LIN7A: variants seen among roughly 807,000 people sequenced by gnomAD.
LIN7A encodes the protein protein lin-7 homolog A.
LIN7A carries 25 observed loss-of-function variants against 29.8 expected under a neutral mutation model. The ratio of observed to expected loss-of-function variants is 0.84; its 90% CI spans 0.61 to 1.17. LIN7A has a LOEUF of 1.17. LIN7A is among the 50% of genes most tolerant of loss of function. LIN7A has a pLI of 0.00. For synonymous variants in LIN7A, 118 were observed against 107.5 expected, an observed-to-expected ratio of 1.10 and a Z score of -0.60; for missense variants, 239 against 287.0, an observed-to-expected ratio of 0.83 and a Z score of 1.21.
At chr12:80,886,677 TA>T (rs1349000815) in intron 2 of LIN7A, among the ~76,000 whole-genome samples, 1 of 152,100 alleles carries the variant, frequency 6.6e-6, no homozygotes, top group Non-Finnish European at 1.5e-5. Context: ...AAATGTAAGG[TA>T]GATAAATTAC....
At chr12:80,862,498 A>G (rs1010272602) in intron 2 of LIN7A, among the ~76,000 whole-genome samples, 1 of 152,208 alleles carries the variant, frequency 6.6e-6, no homozygotes, top group Non-Finnish European at 1.5e-5. Flanking sequence ...CAGTTTTATG[A>G]ATGTTTTTTG....
At chr12:80,802,479 C>T (rs1160674361) in intron 5 of LIN7A, among the ~76,000 whole-genome samples, 1 of 152,058 alleles carries the variant, frequency 6.6e-6, no homozygotes, top group Non-Finnish European at 1.5e-5. Flanking sequence ...TTGGATATAT[C>T]CCCAGAAGTG....
In LIN7A at chr12:80,810,255, A is replaced by T. The variant is rs576478283; in HGVS notation, c.*1210T>A. Among the ~76,000 whole-genome samples the T allele has an allele frequency of 2.6e-5, 4 of 152,294 alleles. No homozygotes were observed. In the East Asian group the frequency reaches 7.7e-4, roughly 29 times the overall value. On this transcript the variant is annotated intron_variant, in intron 5 of 5. Transcript: ENST00000552864. ...TATGAATTAAAGTTTTTCAGATTCC[A>T]CACATAGGTGAGATCATGTGGTATT... is the stretch of plus-strand genomic sequence containing the variant.
intron 1 of LIN7A, chr12:80,936,912 C>A (rs1878257974): frequency 1.3e-5 from 2 of 152,180 alleles, no homozygotes; most frequent in South Asian, 4.1e-4. Flanking sequence ...GAGGCTGGCG[C>A]GGGAGAAGCC....
At chr12:80,932,962 A>G (rs1237386434) in intron 1 of LIN7A, among the ~76,000 whole-genome samples, 1 of 152,216 alleles carries the variant, frequency 6.6e-6, no homozygotes, top group Non-Finnish European at 1.5e-5. Flanking sequence ...GAACATTTTA[A>G]GGTCTGGAAG....
chr12:80,835,204 A>T (rs922828900), intron 4 of LIN7A, among the ~76,000 whole-genome samples: 1 of 152,224 alleles, frequency 6.6e-6, no homozygotes, highest in Non-Finnish European at 1.5e-5. Flanking sequence ...GCAATAGGAA[A>T]CATGGAGAGA....
intron 4 of LIN7A, among the ~76,000 whole-genome samples, chr12:80,844,936 A>G (rs1872989742): frequency 6.6e-6 from 1 of 152,070 alleles, no homozygotes; most frequent in Non-Finnish European, 1.5e-5. Context: ...ATAGCTGTAG[A>G]TCTGGCTTCA....
At chr12:80,919,708 T>G (rs1247757342) in intron 1 of LIN7A, among the ~76,000 whole-genome samples, 2 of 152,186 alleles carry the variant, frequency 1.3e-5, no homozygotes, top group Non-Finnish European at 2.9e-5. Flanking sequence ...ATAGATTTCC[T>G]ACCACTGGAA....
intron 1 of LIN7A, among the ~76,000 whole-genome samples, chr12:80,891,345 G>A (rs982949598): frequency 6.6e-6 from 1 of 152,126 alleles, no homozygotes; most frequent in Non-Finnish European, 1.5e-5. Context: ...AAAGTTCAGA[G>A]CACTTAGGGT....
intron 2 of LIN7A, among the ~76,000 whole-genome samples, chr12:80,886,100 A>C (rs1363896416): frequency 6.6e-6 from 1 of 152,132 alleles, no homozygotes; most frequent in Non-Finnish European, 1.5e-5. Context: ...TGACAACATT[A>C]ATAACTTTCA....
intron 1 of LIN7A, among the ~76,000 whole-genome samples, chr12:80,928,089 T>C (rs1488098225): frequency 6.6e-6 from 1 of 152,222 alleles, no homozygotes; most frequent in African/African-American, 2.4e-5. Flanking sequence ...TGCCACATTT[T>C]CTTAATCCAG....
At chr12:80,881,765 C>G (rs1204246900) in intron 2 of LIN7A, among the ~76,000 whole-genome samples, 1 of 151,986 alleles carries the variant, frequency 6.6e-6, no homozygotes, top group Non-Finnish European at 1.5e-5. Flanking sequence ...CTAATCTCTG[C>G]TGTTGTTATA....
intron 4 of LIN7A, among the ~76,000 whole-genome samples, chr12:80,823,210 C>A (rs1425459246): frequency 1.3e-5 from 2 of 152,212 alleles, no homozygotes; most frequent in Non-Finnish European, 2.9e-5. Flanking sequence ...GGCTGAAAGA[C>A]CTGTAACACA....
intron 5 of LIN7A, among the ~76,000 whole-genome samples, chr12:80,799,651 C>A (rs558184045): frequency 5.1e-4 from 77 of 151,862 alleles, no homozygotes; most frequent in Non-Finnish European, 6.5e-4. Flanking sequence ...TTGTGGGAAC[C>A]AAAAAATCAA....
At chr12:80,798,639 GCTCA>G (rs957109828) in intron 5 of LIN7A, among the ~76,000 whole-genome samples, 3 of 151,920 alleles carry the variant, frequency 2.0e-5, no homozygotes, top group Non-Finnish European at 1.5e-5. Flanking sequence ...TTTATTGAGT[GCTCA>G]CTAAGTGTCA....
At chr12:80,843,589 C>A (rs569790505) in intron 4 of LIN7A, among the ~76,000 whole-genome samples, 1 of 152,186 alleles carries the variant, frequency 6.6e-6, no homozygotes, top group African/African-American at 2.4e-5. Flanking sequence ...TAATCCTCAC[C>A]AACCTCAACC....
rs188937687 is a variant in LIN7A, at chr12:80,846,028, A to G, written c.274-89T>C. On this transcript the variant is annotated intron_variant, in intron 3 of 5. Transcript: ENST00000552864. ...TGCTTTGCAGTGGGTAGCTCAGGCA[A>G]CTTCTCATATTTTTATAGTATTCTC... The G allele has an allele frequency of 9.8e-6, 11 of 1,122,330 alleles. No homozygotes were observed. The Admixed American group carries it at 2.6e-4, about 26-fold the overall frequency. The allele number at this position is 1,122,330 out of a possible 1,614,324, so 69.5% of individuals were successfully genotyped here.
In LIN7A at chr12:80,827,635, C is replaced by T. The variant is rs548625971; in HGVS notation, c.484-15952G>A. ...ATTAATCTTCAACATAGAAGCAACA[C>T]TATGCTTTTGATTTCAGCATGTGTT... On this transcript the variant is annotated intron_variant, in intron 4 of 5. Transcript: ENST00000552864. Among the ~76,000 whole-genome samples, 16 of 152,260 alleles carry T rather than the reference C, an allele frequency of 1.1e-4. No homozygotes were observed. In the South Asian group the frequency reaches 3.1e-3, roughly 30 times the overall value.
chr12:80,893,304 C>T (rs757938512), intron 1 of LIN7A, among the ~76,000 whole-genome samples: 1 of 152,110 alleles, frequency 6.6e-6, no homozygotes, highest in Non-Finnish European at 1.5e-5. Flanking sequence ...TGGAATCACC[C>T]GTGAAATTTT....
Sources: gnomAD v4.1 joint callset for allele counts (sites outside exome capture counted in the v4.1 genomes callset) on GRCh38, gnomAD v4.1.1 for gene constraint, MANE v1.5 for transcripts, NCBI Gene and HGNC (gene_info 2026-07-23, HGNC 2026-07-21) for gene names.